The following TRHDE variants were observed in gnomAD, a reference collection of about 807,000 sequenced individuals.
TRHDE encodes the protein thyrotropin-releasing hormone-degrading ectoenzyme.
TRHDE carries 72 observed loss-of-function variants against 125.7 expected under a neutral mutation model. The ratio of observed to expected loss-of-function variants is 0.57; its 90% confidence interval spans 0.47 to 0.70. The LOEUF is 0.70. Ranked by LOEUF, TRHDE falls within the 30% of genes least tolerant of loss-of-function variation. The pLI, the probability that TRHDE is intolerant of heterozygous loss-of-function variation, is 0.00. For synonymous variants in TRHDE, 509 were observed against 509.1 expected, an observed-to-expected ratio of 1.00 and a Z score of 0.00; for missense variants, 1,110 against 1,327.1, an observed-to-expected ratio of 0.84 and a Z score of 2.54.
intron 6 of TRHDE, among the ~76,000 whole-genome samples, chr12:72,538,722 T>C (rs1834174746): frequency 1.3e-5 from 2 of 152,002 alleles, no homozygotes; most frequent in Non-Finnish European, 2.9e-5. Flanking sequence ...CTAAATTCTG[T>C]ATATCTGCTA....
chr12:72,290,544 G>A (rs1880048016), intron 2 of TRHDE, among the ~76,000 whole-genome samples: 1 of 152,162 alleles, frequency 6.6e-6, no homozygotes, highest in African/African-American at 2.4e-5. Flanking sequence ...AATTTGGAAG[G>A]GCACAGTGGT....
At chr12:72,495,965 A>G (rs1877897207) in intron 5 of TRHDE, among the ~76,000 whole-genome samples, 1 of 152,196 alleles carries the variant, frequency 6.6e-6, no homozygotes, top group Non-Finnish European at 1.5e-5. Context: ...CAACCACTCT[A>G]GGTAGTATCT....
chr12:72,512,584 TA>T (rs1878650380), intron 6 of TRHDE, among the ~76,000 whole-genome samples: 1 of 141,296 alleles, frequency 7.1e-6, no homozygotes, highest in Non-Finnish European at 1.5e-5. Context: ...AATCATATAA[TA>T]ATCATATATA....
intron 2 of TRHDE, chr12:72,147,596 A>C (rs1566246331): frequency 6.6e-6 from 1 of 152,240 alleles, no homozygotes; most frequent in Non-Finnish European, 1.5e-5. Flanking sequence ...AAGGAGCATG[A>C]TTATATTACT....
At chr12:72,364,110 T>G (rs1005529921) in intron 2 of TRHDE, among the ~76,000 whole-genome samples, 1 of 151,900 alleles carries the variant, frequency 6.6e-6, no homozygotes, top group East Asian at 1.9e-4. Flanking sequence ...CACTGCTCAA[T>G]GAAATAAAAG....
chr12:72,368,785 A>G (rs17111103), intron 2 of TRHDE, among the ~76,000 whole-genome samples: 16,571 of 152,224 alleles, frequency 0.11, 1,214 homozygotes, highest in African/African-American at 0.19. Context: ...GCTATGAGAT[A>G]TAATTAATTC....
intron 2 of TRHDE, among the ~76,000 whole-genome samples, chr12:72,259,995 A>C (rs1774182810): frequency 6.6e-6 from 1 of 152,224 alleles, no homozygotes; most frequent in African/African-American, 2.4e-5. Flanking sequence ...TATTTTATTT[A>C]TTTAAATTCA....
At chr12:72,117,434 A>T (rs1186918090) in intron 2 of TRHDE, among the ~76,000 whole-genome samples, 2 of 152,048 alleles carry the variant, frequency 1.3e-5, no homozygotes, top group African/African-American at 4.8e-5. Flanking sequence ...CTATTGGTCT[A>T]TGTGTCTGAT....
chr12:72,194,788 G>A (rs538132311), intron 2 of TRHDE, among the ~76,000 whole-genome samples: 2 of 152,160 alleles, frequency 1.3e-5, no homozygotes, highest in Admixed American at 6.5e-5. Context: ...ATTGATGGGT[G>A]TTTAGATTGA....
At chr12:72,248,601 A>G (rs1014919976) in intron 2 of TRHDE, among the ~76,000 whole-genome samples, 1 of 152,178 alleles carries the variant, frequency 6.6e-6, no homozygotes, top group Non-Finnish European at 1.5e-5. Flanking sequence ...GAAGGAGAAC[A>G]AATGCAGAAG....
intron 2 of TRHDE, among the ~76,000 whole-genome samples, chr12:72,305,705 A>G (rs1002779693): frequency 2.0e-5 from 3 of 152,352 alleles, no homozygotes; most frequent in African/African-American, 4.8e-5. Flanking sequence ...ACAAAACAAA[A>G]CAATAAAGCA....
intron 3 of TRHDE, among the ~76,000 whole-genome samples, chr12:72,453,133 T>C (rs1875662539): frequency 6.6e-6 from 1 of 152,086 alleles, no homozygotes; most frequent in Non-Finnish European, 1.5e-5. Context: ...TGAAGGAAAG[T>C]ATGGAATTTT....
intron 2 of TRHDE, among the ~76,000 whole-genome samples, chr12:72,241,289 A>AT (rs1037619374): frequency 1.3e-5 from 2 of 152,192 alleles, no homozygotes; most frequent in Non-Finnish European, 2.9e-5. Flanking sequence ...TCACTGTGCT[A>AT]TCCCTTTGTA....
At chr12:72,627,847 A>ATTT (rs71071845) in intron 15 of TRHDE, among the ~76,000 whole-genome samples, 1 of 143,786 alleles carries the variant, frequency 7.0e-6, no homozygotes, top group Non-Finnish European at 1.5e-5. Context: ...CACCTGGCTA[A>ATTT]TTTTTTTTTT....
In TRHDE at chr12:72,252,333, T is replaced by C. The variant is rs977079763; in HGVS notation, n.280-125662T>C. Reference sequence around the variant, plus strand: ...GTGAGGTTAAGGTTGATGTTCTCTTTTTCTTTTTGCCTATGGGTGCTCACT... The same window carrying C: ...GTGAGGTTAAGGTTGATGTTCTCTTCTTCTTTTTGCCTATGGGTGCTCACT... On this transcript the variant is annotated intron_variant and non_coding_transcript_variant, in intron 2 of 4. Coordinates refer to the TRHDE transcript ENST00000548156. 2.6e-5 allele frequency among the ~76,000 whole-genome samples: 4 copies of C among 152,132 alleles called. No individual in the cohort carries two copies. The East Asian group carries it at 7.7e-4, about 29-fold the overall frequency.
intron 3 of TRHDE, among the ~76,000 whole-genome samples, chr12:72,424,332 A>G (rs1180556212): frequency 6.6e-6 from 1 of 152,110 alleles, no homozygotes; most frequent in African/African-American, 2.4e-5. Flanking sequence ...TCTTATAAGA[A>G]TATCAATCAT....
At chr12:72,551,415 CTA>C (rs1869665998) in intron 7 of TRHDE, among the ~76,000 whole-genome samples, 1 of 152,082 alleles carries the variant, frequency 6.6e-6, no homozygotes. Flanking sequence ...AGGTTTCTCC[CTA>C]TGATTATTTT....
chr12:72,599,664 T>C (rs1391150913), intron 12 of TRHDE, among the ~76,000 whole-genome samples: 1 of 152,176 alleles, frequency 6.6e-6, no homozygotes, highest in African/African-American at 2.4e-5. Flanking sequence ...ATTCTTTAGT[T>C]TGTCTGTCTA....
At chr12:72,183,395 G>A (rs1038718949) in intron 2 of TRHDE, among the ~76,000 whole-genome samples, 5 of 152,072 alleles carry the variant, frequency 3.3e-5, no homozygotes, top group Admixed American at 2.0e-4. Flanking sequence ...ATCTTCTCTC[G>A]AACACTAGTT....
Sources: allele counts gnomAD v4.1 joint callset (sites outside exome capture counted in the v4.1 genomes callset), GRCh38; gene constraint gnomAD v4.1.1; transcripts MANE v1.5; gene names NCBI Gene and HGNC (gene_info 2026-07-23, HGNC 2026-07-21).